DPP10: variants seen among roughly 807,000 people sequenced by gnomAD.
DPP10 encodes dipeptidyl peptidase like 10.
DPP10 carries 33 observed loss-of-function variants against 120.9 expected under a neutral mutation model. The observed-to-expected ratio is 0.27, with a 90% confidence interval of 0.21 to 0.37. The LOEUF (loss-of-function observed/expected upper bound fraction) is 0.37, where lower values mean the gene tolerates loss of function less well. DPP10 is among the 10% of genes least tolerant of loss of function. The pLI is 1.00. For missense variants in DPP10, 816 were observed against 942.8 expected (o/e 0.87, Z 1.76); for synonymous variants, 337 against 326.1 (o/e 1.03, Z -0.36).
At chr2:114,860,934 T>G (rs1558817777) in intron 1 of DPP10, among the ~76,000 whole-genome samples, 1 of 152,234 alleles carries the variant, frequency 6.6e-6, no homozygotes, top group African/African-American at 2.4e-5. Context: ...AAATACCTTA[T>G]GCTTATATAA....
chr2:114,613,689 T>C (rs936260603), intron 1 of DPP10, among the ~76,000 whole-genome samples: 6 of 152,152 alleles, frequency 3.9e-5, no homozygotes, highest in African/African-American at 1.4e-4. Context: ...TGCAGCACTA[T>C]TTACAATAGC....
chr2:115,089,238 A>G lies in DPP10; in HGVS notation c.61-220001A>G, dbSNP rs117742890. Among the ~76,000 whole-genome samples the G allele has an allele frequency of 1.2e-4, 18 of 152,218 alleles. No homozygotes were observed. The East Asian group carries it at 3.3e-3, about 28-fold the overall frequency. On this transcript the variant is annotated intron_variant, in intron 1 of 25. Transcript: ENST00000410059. Reference sequence around the variant, plus strand: ...ATCGCATTGATCATTTCTTTCTAATATTAGAAATGTCCTGACTTTCTTGCC... The same window carrying G: ...ATCGCATTGATCATTTCTTTCTAATGTTAGAAATGTCCTGACTTTCTTGCC...
At chr2:115,803,979 C>T (rs1392093281) in intron 19 of DPP10, among the ~76,000 whole-genome samples, 1 of 152,088 alleles carries the variant, frequency 6.6e-6, no homozygotes, top group Non-Finnish European at 1.5e-5. Context: ...TATTGGCCTT[C>T]CTTGCTAGAT....
At chr2:115,186,667 T>C (rs536318170) in intron 1 of DPP10, among the ~76,000 whole-genome samples, 4 of 152,248 alleles carry the variant, frequency 2.6e-5, no homozygotes, top group Admixed American at 6.5e-5. Context: ...ATAGTATTTG[T>C]GGAAAAATTA....
At chr2:115,722,010 T>G (rs141546265) in intron 7 of DPP10, among the ~76,000 whole-genome samples, 255 of 152,108 alleles carry the variant, frequency 1.7e-3, no homozygotes, top group Non-Finnish European at 3.0e-3. Flanking sequence ...GAAAGACAAA[T>G]ACTGCATGAT....
chr2:115,708,020 A>G (rs902979363), intron 7 of DPP10, among the ~76,000 whole-genome samples: 2 of 152,006 alleles, frequency 1.3e-5, no homozygotes, highest in South Asian at 2.1e-4. Flanking sequence ...ATAGATGCAG[A>G]TATCTTATTT....
At chr2:115,314,210 C>A (rs2061692739) in intron 2 of DPP10, among the ~76,000 whole-genome samples, 1 of 152,174 alleles carries the variant, frequency 6.6e-6, no homozygotes, top group Admixed American at 6.5e-5. Context: ...GCTCTTTAAT[C>A]CATCTGCCAT....
chr2:115,629,985 T>C (rs959166853), intron 5 of DPP10, among the ~76,000 whole-genome samples: 2 of 152,166 alleles, frequency 1.3e-5, no homozygotes, highest in Non-Finnish European at 1.5e-5. Flanking sequence ...AATGTATAAA[T>C]TATTTTGGGC....
rs1055553521 is a variant in DPP10, at chr2:115,720,522, G to A, written c.577-7294G>A. ...TTTGCAACAGCTTATGTAGATGATGGAATTCAAGGTGTCTTATTCTTACAA... is the reference window on the plus strand; with the variant it reads ...TTTGCAACAGCTTATGTAGATGATGAAATTCAAGGTGTCTTATTCTTACAA... On this transcript the variant is annotated intron_variant, in intron 7 of 25. Coordinates refer to ENST00000410059, the MANE Select transcript of DPP10 (RefSeq NM_020868.6). 1.7e-4 allele frequency among the ~76,000 whole-genome samples: 26 copies of A among 151,940 alleles called. 1 individual carries two copies. Among genetic ancestry groups the A allele is most frequent in the Non-Finnish European group, 3.5e-4 (24 of 67,984 alleles).
At chr2:115,017,528 A>C (rs2105142259) in intron 1 of DPP10, among the ~76,000 whole-genome samples, 2 of 152,322 alleles carry the variant, frequency 1.3e-5, no homozygotes, top group South Asian at 4.1e-4. Flanking sequence ...ATTATAAATC[A>C]TGCTGCTATA....
chr2:114,595,805 G>C (rs543341386), intron 1 of DPP10, among the ~76,000 whole-genome samples: 1 of 152,234 alleles, frequency 6.6e-6, no homozygotes, highest in South Asian at 2.1e-4. Context: ...GACCCAGGAA[G>C]AGCCAAGTAT....
intron 1 of DPP10, among the ~76,000 whole-genome samples, chr2:114,587,583 G>T (rs1018876302): frequency 2.6e-5 from 4 of 152,086 alleles, no homozygotes; most frequent in Non-Finnish European, 4.4e-5. Context: ...AGCTTGTGGT[G>T]CTTACAGCCT....
intron 1 of DPP10, among the ~76,000 whole-genome samples, chr2:115,274,524 A>G (rs1417280989): frequency 6.6e-6 from 1 of 152,170 alleles, no homozygotes; most frequent in African/African-American, 2.4e-5. Flanking sequence ...AGAATTGTAT[A>G]GCGTGTCCCC....
At chr2:115,785,376 C>A (rs1308632102) in intron 17 of DPP10, among the ~76,000 whole-genome samples, 1 of 152,116 alleles carries the variant, frequency 6.6e-6, no homozygotes, top group African/African-American at 2.4e-5. Context: ...GAATCCCTTC[C>A]CCTTGATTTT....
chr2:115,698,155 A>G (rs1265710196), intron 7 of DPP10, among the ~76,000 whole-genome samples: 1 of 152,180 alleles, frequency 6.6e-6, no homozygotes, highest in African/African-American at 2.4e-5. Context: ...TTAAAAAATT[A>G]TCACACAAAA....
At chr2:114,757,395 GGAGA>G (rs372151135) in intron 1 of DPP10, among the ~76,000 whole-genome samples, 4 of 144,102 alleles carry the variant, frequency 2.8e-5, no homozygotes, top group Non-Finnish European at 4.6e-5. Context: ...AAGGAGGGAG[GGAGA>G]GAGAGAGAGG....
At chr2:115,778,378 A>G (rs575444538) in intron 15 of DPP10, among the ~76,000 whole-genome samples, 6 of 152,204 alleles carry the variant, frequency 3.9e-5, no homozygotes, top group African/African-American at 7.2e-5. Flanking sequence ...ATAAAGCAAT[A>G]TAGGGGAAAA....
chr2:115,034,708 A>C (rs1410412992), intron 1 of DPP10, among the ~76,000 whole-genome samples: 1 of 152,230 alleles, frequency 6.6e-6, no homozygotes, highest in East Asian at 1.9e-4. Flanking sequence ...ACTAGTTAAC[A>C]GTACTATTTG....
At chr2:114,998,881 T>C (rs1165956092) in intron 1 of DPP10, among the ~76,000 whole-genome samples, 1 of 152,162 alleles carries the variant, frequency 6.6e-6, no homozygotes, top group African/African-American at 2.4e-5. Flanking sequence ...CTTTCTTCCA[T>C]TGTCTCATAT....
Sources: allele counts gnomAD v4.1 joint callset (sites outside exome capture counted in the v4.1 genomes callset), GRCh38; gene constraint gnomAD v4.1.1; transcripts MANE v1.5; gene names NCBI Gene and HGNC (gene_info 2026-07-23, HGNC 2026-07-21).